The following WHR1 variants were observed in gnomAD, a reference collection of about 807,000 sequenced individuals.
WHR1 encodes the protein winged helix repair factor 1.
chr6:31,978,674 T>G, the WHR1 span, among the ~76,000 whole-genome samples: 7 of 152,228 alleles, frequency 4.6e-5, no homozygotes, highest in African/African-American at 1.7e-4. Context: ...AGAAATTATA[T>G]TGACTCTTTG....
chr6:31,973,077 G>A, the WHR1 span: 1 of 609,476 alleles, frequency 1.6e-6, no homozygotes, highest in Non-Finnish European at 3.1e-6. Context: ...TTACACTGAG[G>A]CGATGGGCTG....
chr6:31,978,399 A>G, the WHR1 span, among the ~76,000 whole-genome samples: 4 of 152,174 alleles, frequency 2.6e-5, no homozygotes, highest in Non-Finnish European at 5.9e-5. Flanking sequence ...CAGCCTCCCA[A>G]AATGCTGAAT....
chr6:31,973,109 G>C, the WHR1 span: 2 of 526,338 alleles, frequency 3.8e-6, no homozygotes, highest in African/African-American at 3.8e-5. Context: ...CATAGAGAGA[G>C]GGAATGGTGT....
chr6:31,979,358 G>A, the WHR1 span: 2 of 1,605,992 alleles, frequency 1.2e-6, no homozygotes, highest in South Asian at 1.1e-5. Context: ...CCTGGGGGTG[G>A]AGGTTGGTAG....
chr6:31,980,231 G>T, the WHR1 span: 1 of 512,542 alleles, frequency 2.0e-6, no homozygotes. Context: ...AAGAAAAAGT[G>T]GAGGGAGGGC....
chr6:31,972,684 C>T, the WHR1 span: 2 of 1,613,814 alleles, frequency 1.2e-6, no homozygotes, highest in Non-Finnish European at 1.7e-6. The surrounding 1 kb of genome is among the most constrained non-coding windows in gnomAD (Gnocchi z 6.3). Context: ...TTTGAGGACG[C>T]GCTGCCGCCC....
At chr6:31,973,195 G>C in the WHR1 span, 1 of 382,388 alleles carries the variant, frequency 2.6e-6, no homozygotes, top group Non-Finnish European at 5.1e-6. Flanking sequence ...GCCTAAATTA[G>C]GTCAGTGCAG....
At chr6:31,979,723 G>T in the WHR1 span, 3 of 829,316 alleles carry the variant, frequency 3.6e-6, no homozygotes, top group South Asian at 1.9e-5. Flanking sequence ...CCCCACAAGA[G>T]AGGAGGCCTA....
chr6:31,979,533 CT>C, the WHR1 span: 1 of 1,612,942 alleles, frequency 6.2e-7, no homozygotes, highest in Non-Finnish European at 8.5e-7. Flanking sequence ...AGACCTTTGG[CT>C]TCAGGGACTC....
At chr6:31,973,385 A>T in the WHR1 span, 1 of 198,374 alleles carries the variant, frequency 5.0e-6, no homozygotes, top group Non-Finnish European at 1.1e-5. Flanking sequence ...AAGGTATTAG[A>T]CAGTTGGATA....
chr6:31,980,239 G>T, the WHR1 span: 2 of 517,330 alleles, frequency 3.9e-6, no homozygotes. Flanking sequence ...GTGGAGGGAG[G>T]GCAGTCCAGG....
chr6:31,979,985 T>G, the WHR1 span: 2 of 205,020 alleles, frequency 9.8e-6, no homozygotes, highest in African/African-American at 2.3e-5. Context: ...GGCTCAGGCC[T>G]CCTACTTTGT....
chr6:31,972,379 T>C, the WHR1 span: 2 of 1,613,054 alleles, frequency 1.2e-6, no homozygotes, highest in Non-Finnish European at 1.7e-6. The surrounding 1 kb of genome is among the most constrained non-coding windows in gnomAD (Gnocchi z 6.3). Context: ...CCTCCATTCC[T>C]ACCCCTTCCC....
chr6:31,972,420 G>A, the WHR1 span: 2 of 1,612,958 alleles, frequency 1.2e-6, no homozygotes, highest in African/African-American at 1.3e-5. The surrounding 1 kb of genome is among the most constrained non-coding windows in gnomAD (Gnocchi z 6.3). Flanking sequence ...ATATGAGCTG[G>A]AAGAGGCATC....
the WHR1 span, among the ~76,000 whole-genome samples, chr6:31,975,137 AAATGTCTCTGATCAG>A: frequency 5.9e-5 from 9 of 152,086 alleles, no homozygotes; most frequent in Non-Finnish European, 1.3e-4. Flanking sequence ...TCTCTGATCA[AAATGTCTCTGATCAG>A]AATGTCCCTG....
chr6:31,976,444 C>T, the WHR1 span, among the ~76,000 whole-genome samples: 5,715 of 149,494 alleles, frequency 0.038, 214 homozygotes, highest in Non-Finnish European at 0.046. Flanking sequence ...ACATCCCAGA[C>T]GGGGCGGCGG....
At chr6:31,980,451 G>A in the WHR1 span, 1 of 1,612,142 alleles carries the variant, frequency 6.2e-7, no homozygotes, top group Non-Finnish European at 8.5e-7. Context: ...CTGCCCTCAG[G>A]CATCTGGTGA....
chr6:31,976,537 A>C, the WHR1 span, among the ~76,000 whole-genome samples: 1 of 151,440 alleles, frequency 6.6e-6, no homozygotes, highest in Admixed American at 6.6e-5. Flanking sequence ...GCGGCCGGGC[A>C]GAGACACTCC....
the WHR1 span, chr6:31,971,255 G>A: frequency 1.3e-6 from 2 of 1,540,604 alleles, no homozygotes; most frequent in South Asian, 2.5e-5. The surrounding 1 kb of genome is among the most constrained non-coding windows in gnomAD (Gnocchi z 4.5). Flanking sequence ...CCCCGGCTTT[G>A]GCTCTCCTAA....
Sources: gnomAD v4.1 joint callset for allele counts (sites outside exome capture counted in the v4.1 genomes callset) on GRCh38, gnomAD v4.1.1 for gene constraint, Gnocchi (gnomAD v3.1) non-coding constraint, MANE v1.5 for transcripts, NCBI Gene and HGNC (gene_info 2026-07-23, HGNC 2026-07-21) for gene names.